The following RAB11FIP1 variants were observed in gnomAD, a reference collection of about 807,000 sequenced individuals.
RAB11FIP1 encodes the protein rab11 family-interacting protein 1.
A neutral mutation model predicts 83.1 loss-of-function variants in RAB11FIP1; 49 were observed. The observed-to-expected ratio is 0.59, with a 90% CI of 0.47 to 0.75. The LOEUF (loss-of-function observed/expected upper bound fraction) is 0.75, where lower values mean the gene tolerates loss of function less well. Among genes scored for constraint, RAB11FIP1 ranks in the 30% least tolerant of loss-of-function variants. The pLI is 0.00. For synonymous variants in RAB11FIP1, 670 were observed against 656.0 expected (o/e 1.02, Z -0.33); for missense variants, 1,536 against 1,598.7 (o/e 0.96, Z 0.67).
chr8:37,883,845 A>G (rs946399589), intron 1 of RAB11FIP1, among the ~76,000 whole-genome samples: 2 of 152,174 alleles, frequency 1.3e-5, no homozygotes, highest in African/African-American at 4.8e-5. Flanking sequence ...CCATTTCCCT[A>G]GTCCAAAGGG....
intron 1 of RAB11FIP1, among the ~76,000 whole-genome samples, chr8:37,883,171 T>C (rs76896702): frequency 1.3e-4 from 19 of 151,838 alleles, no homozygotes; most frequent in African/African-American, 4.1e-4. Flanking sequence ...TTTTTTTTTT[T>C]CTGGTTTTTT....
rs1352435071 is a variant in RAB11FIP1 at position 37,895,217 on chromosome 8, C to CAATA, written c.371+3850_371+3853dup. 4.3e-4 allele frequency among the ~76,000 whole-genome samples: 14 copies of CAATA among 32,640 alleles called. No homozygotes were observed. In the South Asian group the frequency reaches 6.4e-3, roughly 15 times the overall value. 21.4% of individuals were successfully genotyped at this position (32,640 alleles called of 152,430 possible). On this transcript the variant is annotated intron_variant, in intron 1 of 5. Transcript: ENST00000330843. ...AATAGCTGGGACTACAGGTGCCTGCCAATATATATATATATATATATATAT... is the reference window on the plus strand; with the variant it reads ...AATAGCTGGGACTACAGGTGCCTGCCAATAAATATATATATATATATATATATAT...
rs1261734579 is a variant in RAB11FIP1 at position 37,860,929 on chromosome 8, A to G, written c.*1966T>C. The G allele has an allele frequency of 6.5e-6, 1 of 152,686 alleles. No homozygotes were observed. Among genetic ancestry groups the G allele is most frequent in the Non-Finnish European group, 1.5e-5 (1 of 68,062 alleles). 9.5% of individuals were successfully genotyped at this position (152,686 alleles called of 1,614,324 possible). A position where few individuals can be genotyped will look rare whatever the true frequency, so the allele number is the denominator to read the frequency against. On this transcript the variant is annotated 3_prime_UTR_variant, in exon 6 of 6. Coordinates refer to ENST00000330843, the MANE Select transcript of RAB11FIP1 (RefSeq NM_001002814.3). ...TGCACTGCCAATGATTTTGTCTCTT[A>G]ACCTCAATGTAACAAGGACACACAT... is the stretch of plus-strand genomic sequence containing the variant.
chr8:37,874,043 G>A (rs2130149776), intron 3 of RAB11FIP1, among the ~76,000 whole-genome samples: 1 of 152,346 alleles, frequency 6.6e-6, no homozygotes, highest in East Asian at 1.9e-4. Flanking sequence ...GGGGCAGAGT[G>A]GACACAAAGA....
intron 5 of RAB11FIP1, among the ~76,000 whole-genome samples, chr8:37,864,058 AG>A (rs1162057768): frequency 6.6e-6 from 1 of 152,216 alleles, no homozygotes; most frequent in Non-Finnish European, 1.5e-5. Flanking sequence ...GAGGACACCC[AG>A]GGACCCCACT....
At chr8:37,885,511 T>G (rs1294790661) in intron 1 of RAB11FIP1, among the ~76,000 whole-genome samples, 1 of 152,170 alleles carries the variant, frequency 6.6e-6, no homozygotes, top group Admixed American at 6.5e-5. Context: ...TAGGCTACCC[T>G]GCAGTTTTTG....
At chr8:37,893,581 C>T (rs914416752) in intron 1 of RAB11FIP1, among the ~76,000 whole-genome samples, 2 of 152,090 alleles carry the variant, frequency 1.3e-5, no homozygotes, top group African/African-American at 2.4e-5. Flanking sequence ...CCCTGGAGTT[C>T]AAGCACAGCC....
At chr8:37,881,163 G>C (rs1806727986) in intron 1 of RAB11FIP1, among the ~76,000 whole-genome samples, 1 of 152,206 alleles carries the variant, frequency 6.6e-6, no homozygotes, top group Non-Finnish European at 1.5e-5. Flanking sequence ...AGCCTCACAA[G>C]AACGACACGG....
intron 5 of RAB11FIP1, 121 bp from the exon 6 acceptor site, chr8:37,863,234 TTTTCTTTCTTTC>T: frequency 5.1e-6 from 3 of 592,320 alleles, no homozygotes; most frequent in African/African-American, 3.8e-5. Context: ...TGGGAATCCA[TTTTCTTTCTTTC>T]TTTCTTTCTT....
intron 1 of RAB11FIP1, 157 bp from the exon 2 acceptor site, chr8:37,877,708 A>ATTTTT (rs59670170): frequency 1.5e-4 from 31 of 211,076 alleles, no homozygotes; most frequent in Non-Finnish European, 2.0e-4. Context: ...TGAGAGCAGA[A>ATTTTT]TTTTTTTTTT....
chr8:37,881,914 A>C (rs902999319), intron 1 of RAB11FIP1, among the ~76,000 whole-genome samples: 2 of 152,060 alleles, frequency 1.3e-5, no homozygotes, highest in African/African-American at 4.8e-5. Context: ...CAATTTTGAG[A>C]GGATTATTTA....
intron 3 of RAB11FIP1, 96 bp downstream of exon 3, chr8:37,874,419 T>C (rs1806554392): frequency 8.3e-6 from 8 of 960,764 alleles, no homozygotes; most frequent in Non-Finnish European, 1.3e-5. Context: ...ATGGGTACTA[T>C]GATATCATGG....
At chr8:37,892,209 A>G (rs552714142) in intron 1 of RAB11FIP1, among the ~76,000 whole-genome samples, 22 of 152,208 alleles carry the variant, frequency 1.4e-4, no homozygotes, top group Admixed American at 5.9e-4. Flanking sequence ...AACCTCCAAG[A>G]TATTTCTTAA....
In RAB11FIP1 at chr8:37,872,111, G is replaced by A; in HGVS notation, c.2691C>T (p.Val897=). The A allele has an allele frequency of 6.2e-7, 1 of 1,614,058 alleles. No individual in the cohort carries two copies. The highest frequency in any genetic ancestry group is 8.5e-7 in the Non-Finnish European group (1 of 1,180,012). The part of the protein sequence containing the change: ...LPSQEESFSE[V]PMSEASSAKD... Reference sequence around the variant, plus strand: ...TCGCTGAGCTTGCTTCACTCATGGGGACTTCGGAGAAACTCTCCTCCTGGG... The same window carrying A: ...TCGCTGAGCTTGCTTCACTCATGGGAACTTCGGAGAAACTCTCCTCCTGGG... The change falls in exon 4 of 6, where the codon GTC becomes GTT. Residue 897 remains valine (V), a synonymous_variant. Coordinates refer to ENST00000330843, the MANE Select transcript of RAB11FIP1 (RefSeq NM_001002814.3).
intron 5 of RAB11FIP1, among the ~76,000 whole-genome samples, chr8:37,865,096 C>T (rs1324152830): frequency 6.6e-6 from 1 of 151,898 alleles, no homozygotes; most frequent in African/African-American, 2.4e-5. Context: ...AAAAAAGAGT[C>T]ACCTTTGTAA....
At chr8:37,867,584 G>A (rs976882892) in intron 5 of RAB11FIP1, among the ~76,000 whole-genome samples, 1 of 152,122 alleles carries the variant, frequency 6.6e-6, no homozygotes, top group Admixed American at 6.5e-5. Context: ...GTGCATGCCT[G>A]TAATCCCAGC....
intron 1 of RAB11FIP1, among the ~76,000 whole-genome samples, chr8:37,883,732 C>G (rs1017408923): frequency 1.3e-5 from 2 of 152,094 alleles, no homozygotes; most frequent in Admixed American, 6.6e-5. Context: ...TAATAAAGTC[C>G]CAGCCTAGCA....
In RAB11FIP1 at chr8:37,872,274, G is replaced by A. The variant is rs766128111; in HGVS notation, c.2528C>T (p.Ser843Phe). ...SCPQELNPAWSVAGNASDGEP... is the reference protein window; with the variant it reads ...SCPQELNPAWFVAGNASDGEP... Reference sequence around the variant, plus strand: ...TCCGTCAGACGCGTTTCCAGCAACAGACCATGCAGGGTTCAGCTCCTGGGG... The same window carrying A: ...TCCGTCAGACGCGTTTCCAGCAACAAACCATGCAGGGTTCAGCTCCTGGGG... Residue 843 changes from serine (S) to phenylalanine (F), a missense_variant, in exon 4 of 6, where the codon TCT becomes TTT. Transcript: ENST00000330843. 5.0e-6 allele frequency: 8 copies of A among 1,614,006 alleles called. No homozygotes were observed. The highest frequency in any genetic ancestry group is 5.1e-6 in the Non-Finnish European group (6 of 1,179,954).
Position 37,861,708 on chromosome 8 carries a change from C to T in RAB11FIP1, c.*1187G>A, listed in dbSNP as rs1430391492. ...AGTTCAAGCAATTCTCCTGCCCCAG[C>T]CTCCCGAGTAGCTGGGATTACAGGC... On this transcript the variant is annotated 3_prime_UTR_variant, in exon 6 of 6. Coordinates refer to ENST00000330843, the MANE Select transcript of RAB11FIP1 (RefSeq NM_001002814.3). 2.6e-6 allele frequency: 1 copy of T among 383,326 alleles called. No individual in the cohort carries two copies. The highest frequency in any genetic ancestry group is 5.0e-6 in the Non-Finnish European group (1 of 199,290). 23.7% of individuals were successfully genotyped at this position (383,326 alleles called of 1,614,324 possible).
Sources: allele counts gnomAD v4.1 joint callset (sites outside exome capture counted in the v4.1 genomes callset), GRCh38; gene constraint gnomAD v4.1.1; transcripts MANE v1.5; gene names NCBI Gene and HGNC (gene_info 2026-07-23, HGNC 2026-07-21).